Variants in EEIG1 observed in about 807,000 individuals in gnomAD.
EEIG1 encodes estrogen-induced osteoclastogenesis regulator 1.
chr9:127,967,063 G>A, the EEIG1 span, among the ~76,000 whole-genome samples: 292 of 152,356 alleles, frequency 1.9e-3, 10 homozygotes, highest in Middle Eastern at 3.4e-3. Context: ...TCAATCCCAG[G>A]GAAGAGGCTT....
At chr9:127,953,787 A>G in the EEIG1 span, 3 of 1,613,972 alleles carry the variant, frequency 1.9e-6, no homozygotes, top group Non-Finnish European at 2.5e-6. Context: ...GCAGCCCCAC[A>G]TGCGCCCTTG....
the EEIG1 span, among the ~76,000 whole-genome samples, chr9:127,955,549 C>G: frequency 6.6e-6 from 1 of 152,248 alleles, no homozygotes; most frequent in Admixed American, 6.5e-5. Flanking sequence ...CAAGCAGGTG[C>G]TGGGATGAGC....
At chr9:127,967,449 T>C in the EEIG1 span, among the ~76,000 whole-genome samples, 1 of 152,188 alleles carries the variant, frequency 6.6e-6, no homozygotes, top group Admixed American at 6.5e-5. Context: ...GAGAGGGCTG[T>C]GACCTAAAGC....
chr9:127,970,119 CT>C, the EEIG1 span, among the ~76,000 whole-genome samples: 74 of 147,638 alleles, frequency 5.0e-4, no homozygotes, highest in East Asian at 7.9e-4. Context: ...GCATCATACA[CT>C]TTTTTTTTTT....
At chr9:127,943,232 G>C in the EEIG1 span, 1 of 1,614,168 alleles carries the variant, frequency 6.2e-7, no homozygotes, top group Non-Finnish European at 8.5e-7. Context: ...GACCCCAGAA[G>C]AGACCCTGCA....
chr9:127,969,127 G>A, the EEIG1 span, among the ~76,000 whole-genome samples: 1 of 152,322 alleles, frequency 6.6e-6, no homozygotes, highest in East Asian at 1.9e-4. Context: ...CTGGGATTTG[G>A]GGAGAGCACA....
the EEIG1 span, chr9:127,942,545 G>A: frequency 3.9e-5 from 6 of 155,078 alleles, no homozygotes; most frequent in South Asian, 1.9e-4. Flanking sequence ...GACATTTGCC[G>A]GGGGGAGGCA....
At chr9:127,953,323 G>A in the EEIG1 span, 1 of 553,020 alleles carries the variant, frequency 1.8e-6, no homozygotes, top group Non-Finnish European at 3.2e-6. Flanking sequence ...AAGAGGCCTG[G>A]AGAGAGGAAA....
chr9:127,947,263 C>CAAAAAAAAAAAA, the EEIG1 span, among the ~76,000 whole-genome samples: 1 of 94,660 alleles, frequency 1.1e-5, no homozygotes, highest in Admixed American at 1.1e-4. Flanking sequence ...ACTAAAAATA[C>CAAAAAAAAAAAA]AAAAAAAAAA....
chr9:127,950,837 G>A, the EEIG1 span: 6 of 481,778 alleles, frequency 1.2e-5, no homozygotes, highest in East Asian at 7.1e-5. Context: ...ATTGTTGTCC[G>A]TGACACAGAT....
At chr9:127,959,599 C>T in the EEIG1 span, among the ~76,000 whole-genome samples, 3 of 152,080 alleles carry the variant, frequency 2.0e-5, no homozygotes, top group Non-Finnish European at 4.4e-5. Flanking sequence ...GTGGTTTCCC[C>T]GATGCTGTTA....
the EEIG1 span, chr9:127,944,856 G>A: frequency 3.3e-5 from 53 of 1,612,300 alleles, no homozygotes; most frequent in Non-Finnish European, 3.8e-5. Flanking sequence ...TCCGCGTGTC[G>A]TCCACCCAGG....
chr9:127,965,824 G>A, the EEIG1 span, among the ~76,000 whole-genome samples: 1 of 152,260 alleles, frequency 6.6e-6, no homozygotes, highest in Non-Finnish European at 1.5e-5. Context: ...CGTCCGTCCA[G>A]GGGCTGAAGA....
chr9:127,944,954 G>A, the EEIG1 span: 5 of 1,576,080 alleles, frequency 3.2e-6, no homozygotes, highest in Non-Finnish European at 3.5e-6. Flanking sequence ...ACAGGTACAA[G>A]CACAGAACGA....
the EEIG1 span, among the ~76,000 whole-genome samples, chr9:127,973,025 C>G: frequency 6.6e-6 from 1 of 152,100 alleles, no homozygotes; most frequent in Non-Finnish European, 1.5e-5. The surrounding 1 kb of genome is among the most constrained non-coding windows in gnomAD (Gnocchi z 4.2). Context: ...AGCAACACCC[C>G]CTCCCCACCC....
At chr9:127,977,228 T>G in the EEIG1 span, among the ~76,000 whole-genome samples, 1 of 152,142 alleles carries the variant, frequency 6.6e-6, no homozygotes, top group African/African-American at 2.4e-5. Flanking sequence ...CCCATTCAGG[T>G]TGCATGCAGG....
At chr9:127,964,830 G>C in the EEIG1 span, among the ~76,000 whole-genome samples, 1 of 152,130 alleles carries the variant, frequency 6.6e-6, no homozygotes, top group Non-Finnish European at 1.5e-5. Context: ...AGCCAGGCGC[G>C]GTGGCTCACA....
the EEIG1 span, chr9:127,979,851 G>A: frequency 9.5e-7 from 1 of 1,057,580 alleles, no homozygotes; most frequent in Non-Finnish European, 1.3e-6. Context: ...GCCCAGTCCT[G>A]CCTTGTGCAA....
chr9:127,979,379 T>TG, the EEIG1 span, among the ~76,000 whole-genome samples: 2 of 152,174 alleles, frequency 1.3e-5, no homozygotes, highest in Non-Finnish European at 2.9e-5. Context: ...CCTGCCAGGA[T>TG]GGGGACGAAC....
Sources: allele counts gnomAD v4.1 joint callset (sites outside exome capture counted in the v4.1 genomes callset), GRCh38; gene constraint gnomAD v4.1.1; non-coding constraint Gnocchi (gnomAD v3.1); transcripts MANE v1.5; gene names NCBI Gene and HGNC (gene_info 2026-07-23, HGNC 2026-07-21).